The following KCNMA1 variants were observed in gnomAD, a reference collection of about 807,000 sequenced individuals.
KCNMA1 encodes the protein potassium calcium-activated channel subfamily M alpha 1.
Under a neutral mutation model 140.0 loss-of-function variants are expected in KCNMA1, and 29 were observed. The ratio of observed to expected loss-of-function variants is 0.21; its 90% CI spans 0.15 to 0.28. KCNMA1 has a LOEUF of 0.28. Ranked by LOEUF, KCNMA1 falls within the 10% of genes least tolerant of loss-of-function variation. The pLI is 1.00. For synonymous variants in KCNMA1, 612 were observed against 611.9 expected (o/e 1.00, Z 0.00); for missense variants, 880 against 1,602.2 (o/e 0.55, Z 7.70).
intron 9 of KCNMA1, among the ~76,000 whole-genome samples, chr10:77,098,794 C>T (rs184529681): frequency 1.3e-5 from 2 of 152,062 alleles, no homozygotes; most frequent in Admixed American, 6.5e-5. Context: ...GGGAATTCTG[C>T]AGCTTTCTTC....
chr10:77,575,990 G>A (rs77298862), intron 1 of KCNMA1, among the ~76,000 whole-genome samples: 5,653 of 152,332 alleles, frequency 0.037, 205 homozygotes, highest in Non-Finnish European at 0.05. Flanking sequence ...AGTGCTCAAG[G>A]CCCATGTTTC....
chr10:77,071,867 A>T (rs548619636), intron 14 of KCNMA1, among the ~76,000 whole-genome samples: 1 of 152,364 alleles, frequency 6.6e-6, no homozygotes, highest in Admixed American at 6.5e-5. Context: ...TTTGGCAGGT[A>T]CGAAGGATAA....
intron 5 of KCNMA1, among the ~76,000 whole-genome samples, chr10:77,160,016 GA>G (rs1426457640): frequency 3.9e-5 from 6 of 152,310 alleles, no homozygotes; most frequent in Admixed American, 2.6e-4. Flanking sequence ...GAGCTAAAAA[GA>G]AATAAGTGGA....
chr10:77,212,649 C>T (rs1244146764), intron 3 of KCNMA1, among the ~76,000 whole-genome samples: 1 of 152,002 alleles, frequency 6.6e-6, no homozygotes, highest in Non-Finnish European at 1.5e-5. Context: ...TATATTCTCT[C>T]TCTCTCCTTC....
At chr10:76,920,020 G>GTATGTATATATATATA (rs2054872016) in intron 23 of KCNMA1, among the ~76,000 whole-genome samples, 1 of 34,408 alleles carries the variant, frequency 2.9e-5, no homozygotes, top group Non-Finnish European at 5.4e-5. Context: ...GTGTGTGTGT[G>GTATGTATATATATATA]TATATATATA....
At chr10:77,387,393 C>A (rs1233036925) in intron 2 of KCNMA1, among the ~76,000 whole-genome samples, 1 of 152,160 alleles carries the variant, frequency 6.6e-6, no homozygotes, top group African/African-American at 2.4e-5. Context: ...CTTGGACAAG[C>A]CCCACTTTAA....
chr10:77,126,186 T>C (rs1013146056), intron 5 of KCNMA1, among the ~76,000 whole-genome samples: 1 of 152,116 alleles, frequency 6.6e-6, no homozygotes, highest in Non-Finnish European at 1.5e-5. Flanking sequence ...TAACACAAAA[T>C]AGCTATAATA....
chr10:76,943,192 G>A (rs542174836), intron 23 of KCNMA1, among the ~76,000 whole-genome samples: 2 of 152,200 alleles, frequency 1.3e-5, no homozygotes, highest in African/African-American at 4.8e-5. Flanking sequence ...CGGGCAGGCC[G>A]CACAGGATGC....
intron 2 of KCNMA1, among the ~76,000 whole-genome samples, chr10:77,333,760 A>G (rs2087646345): frequency 6.6e-6 from 1 of 152,184 alleles, no homozygotes; most frequent in Admixed American, 6.5e-5. Flanking sequence ...TCAGACTACT[A>G]CGGAGTGACT....
intron 3 of KCNMA1, among the ~76,000 whole-genome samples, chr10:77,217,324 AC>A (rs2048122395): frequency 6.6e-6 from 1 of 151,844 alleles, no homozygotes; most frequent in Non-Finnish European, 1.5e-5. Context: ...AAACAAACAA[AC>A]AAAAAAAAAC....
chr10:77,389,601 A>G (rs1393275297), intron 2 of KCNMA1, among the ~76,000 whole-genome samples: 1 of 152,204 alleles, frequency 6.6e-6, no homozygotes. Flanking sequence ...CCAACTAGGA[A>G]CAACATCCCC....
chr10:77,425,190 C>A (rs150157126), intron 1 of KCNMA1, among the ~76,000 whole-genome samples: 194 of 152,178 alleles, frequency 1.3e-3, no homozygotes, highest in African/African-American at 4.5e-3. Context: ...TGGCAGCTTG[C>A]AGAAGGAGAG....
At chr10:77,221,739 C>A (rs1464434388) in intron 3 of KCNMA1, among the ~76,000 whole-genome samples, 1 of 152,086 alleles carries the variant, frequency 6.6e-6, no homozygotes, top group Non-Finnish European at 1.5e-5. Flanking sequence ...GGCTCCCTGC[C>A]CACCCAAGAG....
chr10:76,963,608 C>A (rs1303260697), intron 20 of KCNMA1, among the ~76,000 whole-genome samples: 3 of 152,136 alleles, frequency 2.0e-5, no homozygotes, highest in African/African-American at 7.2e-5. Context: ...TGGGTGCCTA[C>A]TCTGATTCTC....
intron 2 of KCNMA1, among the ~76,000 whole-genome samples, chr10:77,324,967 C>CTG (rs1311945252): frequency 7.3e-4 from 71 of 97,354 alleles, no homozygotes; most frequent in South Asian, 7.1e-3. Context: ...CTCTCTCTCT[C>CTG]TCTCTGTGTG....
At chr10:77,551,241 A>G (rs1166959230) in intron 1 of KCNMA1, among the ~76,000 whole-genome samples, 1 of 152,176 alleles carries the variant, frequency 6.6e-6, no homozygotes. Flanking sequence ...TTATGCTCTT[A>G]TATGTACAGG....
chr10:77,261,764 T>C (rs1453483748), intron 2 of KCNMA1, among the ~76,000 whole-genome samples: 1 of 152,198 alleles, frequency 6.6e-6, no homozygotes, highest in Non-Finnish European at 1.5e-5. Flanking sequence ...CTGGCAAGCA[T>C]GATAAAATCT....
At chr10:77,251,395 C>T in intron 2 of KCNMA1, 139 bp from the exon 3 acceptor site, 1 of 720,166 alleles carries the variant, frequency 1.4e-6, no homozygotes. Context: ...CCCTCATCCC[C>T]AGCCCCCCAT....
intron 20 of KCNMA1, among the ~76,000 whole-genome samples, chr10:76,957,699 T>C (rs1044808451): frequency 8.5e-5 from 13 of 152,060 alleles, no homozygotes; most frequent in African/African-American, 2.7e-4. Flanking sequence ...TACTGGACCA[T>C]TGTTGGATAT....
Sources: gnomAD v4.1 joint callset for allele counts (sites outside exome capture counted in the v4.1 genomes callset) on GRCh38, gnomAD v4.1.1 for gene constraint, MANE v1.5 for transcripts, NCBI Gene and HGNC (gene_info 2026-07-23, HGNC 2026-07-21) for gene names.